The following BEND6 variants were observed in gnomAD, a reference collection of about 807,000 sequenced individuals.
BEND6 encodes the protein BEN domain containing 6.
Under a neutral mutation model 31.8 loss-of-function variants are expected in BEND6, and 24 were observed. That is an observed-to-expected ratio of 0.75 (90% CI 0.55 to 1.06). BEND6 has a LOEUF of 1.06. BEND6 is among the 50% of genes least tolerant of loss of function. The pLI is 0.00. For synonymous variants in BEND6, 109 were observed against 114.6 expected, an observed-to-expected ratio of 0.95 and a Z score of 0.31; for missense variants, 294 against 327.4, an observed-to-expected ratio of 0.90 and a Z score of 0.79.
At chr6:57,006,196 C>T (rs1381102579) in intron 3 of BEND6, among the ~76,000 whole-genome samples, 1 of 152,118 alleles carries the variant, frequency 6.6e-6, no homozygotes, top group Non-Finnish European at 1.5e-5. Flanking sequence ...ATGTACTCAC[C>T]TGAGTGACAG....
intron 1 of BEND6, among the ~76,000 whole-genome samples, chr6:56,958,239 T>C (rs1825163566): frequency 6.6e-6 from 1 of 152,234 alleles, no homozygotes; most frequent in Admixed American, 6.5e-5. Flanking sequence ...CCTGAGTTTT[T>C]CCATCACTAA....
At chr6:56,998,966 A>C (rs1353769050) in intron 3 of BEND6, among the ~76,000 whole-genome samples, 1 of 152,230 alleles carries the variant, frequency 6.6e-6, no homozygotes, top group African/African-American at 2.4e-5. Flanking sequence ...AATTCTGTTT[A>C]AAAATGGGCG....
intron 3 of BEND6, among the ~76,000 whole-genome samples, chr6:57,001,848 G>A (rs1259684260): frequency 6.6e-6 from 1 of 152,170 alleles, no homozygotes; most frequent in African/African-American, 2.4e-5. Context: ...CTACAAAGCA[G>A]GCAGTTAACA....
At position 57,015,188 on chromosome 6, in the gene BEND6, G is replaced by C. The variant is rs372231731; in HGVS notation, c.354G>C (p.Leu118=). The C allele has an allele frequency of 1.2e-5, 20 of 1,614,072 alleles. No individual in the cohort carries two copies. The highest frequency in any genetic ancestry group is 1.5e-5 in the Non-Finnish European group (18 of 1,180,040). Residue 118 remains leucine (L), a synonymous_variant, in exon 4 of 7, where the codon CTG becomes CTC. Coordinates refer to ENST00000370746, the MANE Select transcript of BEND6 (RefSeq NM_152731.3). The part of the protein sequence containing the change: ...FEELVGMAEA[L]LKGGGTMSTS... The stretch of plus-strand genomic sequence containing the variant: ...AATTGGTTGGTATGGCCGAGGCTCT[G>C]CTTAAGGGTGGGGGAACCATGTCTA...
intron 6 of BEND6, among the ~76,000 whole-genome samples, chr6:57,024,808 T>C (rs756169934): frequency 1.3e-5 from 2 of 152,224 alleles, no homozygotes; most frequent in African/African-American, 2.4e-5. Context: ...CACTCCTTGC[T>C]CTTGTGTGAT....
chr6:57,020,081 C>T (rs945856359), intron 6 of BEND6, among the ~76,000 whole-genome samples: 6 of 152,052 alleles, frequency 3.9e-5, no homozygotes, highest in Admixed American at 6.5e-5. Flanking sequence ...AGAGTGAGAC[C>T]TTGTTTCCAA....
Position 57,022,164 on chromosome 6 carries a change from CTT to C in BEND6, c.*9+3624_*9+3625del, listed in dbSNP as rs57185788. On this transcript the variant is annotated intron_variant, in intron 6 of 6. Coordinates refer to ENST00000370746, the MANE Select transcript of BEND6 (RefSeq NM_152731.3). ...CTTCAATTTTTCTTTTTTTCTTTTT[CTT>C]TTTTTTTTTTTTTTTTGAAGAATTA... Among the ~76,000 whole-genome samples, 971 of 111,138 alleles carry C rather than the reference CTT, an allele frequency of 8.7e-3. 4 individuals carry two copies. The highest frequency in any genetic ancestry group is 0.029 in the African/African-American group (915 of 31,750). The allele number at this position is 111,138 out of a possible 152,430, so 72.9% of individuals were successfully genotyped here.
intron 2 of BEND6, among the ~76,000 whole-genome samples, chr6:56,986,164 A>C (rs1486413599): frequency 1.3e-5 from 2 of 152,260 alleles, no homozygotes; most frequent in East Asian, 3.9e-4. Flanking sequence ...CTATCTGCCT[A>C]CTTCTGATAT....
At chr6:56,988,435 GAAGA>G (rs1169180571) in intron 2 of BEND6, among the ~76,000 whole-genome samples, 1 of 152,058 alleles carries the variant, frequency 6.6e-6, no homozygotes, top group African/African-American at 2.4e-5. Context: ...GAAGAGAAAT[GAAGA>G]AAGGAGAAGA....
intron 3 of BEND6, among the ~76,000 whole-genome samples, chr6:56,993,328 A>C (rs1275082249): frequency 1.3e-5 from 2 of 152,204 alleles, no homozygotes; most frequent in Non-Finnish European, 2.9e-5. Context: ...TAAAACAGTA[A>C]ATACACAGAA....
intron 1 of BEND6, among the ~76,000 whole-genome samples, chr6:56,974,488 T>TA (rs1015982521): frequency 6.6e-6 from 1 of 152,242 alleles, no homozygotes; most frequent in Admixed American, 6.5e-5. Context: ...TCAGTGTTCA[T>TA]AAACAAAGTC....
chr6:56,979,166 G>A (rs1174801053), intron 1 of BEND6, among the ~76,000 whole-genome samples: 1 of 152,166 alleles, frequency 6.6e-6, no homozygotes, highest in African/African-American at 2.4e-5. Flanking sequence ...TGTGCAATTT[G>A]AGGCGCTTCC....
rs778944023 is a variant in BEND6, at chr6:56,992,468, T to C, written c.211T>C (p.Cys71Arg). The C allele has an allele frequency of 2.5e-6, 4 of 1,614,012 alleles. No individual in the cohort carries two copies. The highest frequency in any genetic ancestry group is 3.4e-6 in the Non-Finnish European group (4 of 1,180,020). The change falls in exon 3 of 7, where the codon TGC (cysteine) becomes CGC (arginine). Residue 71 changes from cysteine to arginine, a missense_variant. Transcript: ENST00000370746. ...PLAELSKEEL[C>R]AKIKSLKEKL... ...AGCAGAATTGTCAAAGGAAGAATTG[T>C]GCGCCAAAATAAAAAGCCTGAAAGA...
At chr6:56,990,034 T>G (rs1315290208) in intron 2 of BEND6, among the ~76,000 whole-genome samples, 1 of 152,182 alleles carries the variant, frequency 6.6e-6, no homozygotes, top group East Asian at 1.9e-4. Context: ...TTTTTGATGT[T>G]TAAATTCTTA....
intron 3 of BEND6, among the ~76,000 whole-genome samples, chr6:56,995,634 C>A (rs928481755): frequency 6.6e-6 from 1 of 152,060 alleles, no homozygotes; most frequent in African/African-American, 2.4e-5. Flanking sequence ...TCAGCATAAC[C>A]CCAATCTTCA....
intron 2 of BEND6, among the ~76,000 whole-genome samples, chr6:56,989,900 T>C (rs943823382): frequency 3.3e-5 from 5 of 152,220 alleles, no homozygotes; most frequent in African/African-American, 1.2e-4. Flanking sequence ...ATTTCTTAAT[T>C]TTAATTTAGC....
At chr6:56,992,961 A>T (rs1826565563) in intron 3 of BEND6, among the ~76,000 whole-genome samples, 1 of 152,192 alleles carries the variant, frequency 6.6e-6, no homozygotes, top group Non-Finnish European at 1.5e-5. Flanking sequence ...AATGGAGCTT[A>T]TTGTGATTCT....
At chr6:57,022,993 A>G (rs977077227) in intron 6 of BEND6, among the ~76,000 whole-genome samples, 2 of 152,282 alleles carry the variant, frequency 1.3e-5, no homozygotes, top group Middle Eastern at 6.8e-3. Context: ...AAAATACTTG[A>G]TATGATTTCT....
chr6:57,002,495 T>A (rs761048745), intron 3 of BEND6, among the ~76,000 whole-genome samples: 6 of 152,032 alleles, frequency 3.9e-5, no homozygotes, highest in Non-Finnish European at 4.4e-5. Context: ...TTCAAAAAAA[T>A]TGAAATTATA....
Sources: allele counts gnomAD v4.1 joint callset (sites outside exome capture counted in the v4.1 genomes callset), GRCh38; gene constraint gnomAD v4.1.1; transcripts MANE v1.5; gene names NCBI Gene and HGNC (gene_info 2026-07-23, HGNC 2026-07-21).